The following PTGS1 variants were observed in gnomAD, a reference collection of about 807,000 sequenced individuals.
PTGS1 encodes the protein prostaglandin G/H synthase 1.
PTGS1 carries 40 observed loss-of-function variants against 63.0 expected under a neutral mutation model. The ratio of observed to expected loss-of-function variants is 0.63; its 90% CI spans 0.49 to 0.83. The LOEUF is 0.83. PTGS1 is among the 40% of genes least tolerant of loss of function. The pLI is 0.00. For synonymous variants in PTGS1, 298 were observed against 301.9 expected (o/e 0.99, Z 0.13); for missense variants, 709 against 786.5 (o/e 0.90, Z 1.18).
At chr9:122,373,027 G>A (rs1836901695) in intron 2 of PTGS1, among the ~76,000 whole-genome samples, 1 of 152,160 alleles carries the variant, frequency 6.6e-6, no homozygotes, top group African/African-American at 2.4e-5. Flanking sequence ...CGGAGCTCAG[G>A]GGAGGGAGCA....
rs1297910122 is a variant in PTGS1 at position 122,393,154 on chromosome 9, C to T, written c.*610C>T. ...AGTGGGGTGTTCTTCTTGGGACCCCCACTAAGACCCTGGTCTGAGGATGTA... is the reference window on the plus strand; with the variant it reads ...AGTGGGGTGTTCTTCTTGGGACCCCTACTAAGACCCTGGTCTGAGGATGTA... On this transcript the variant is annotated 3_prime_UTR_variant, in exon 11 of 11. Transcript: ENST00000362012. 6.5e-6 allele frequency: 1 copy of T among 152,890 alleles called. No homozygotes were observed. Among genetic ancestry groups the T allele is most frequent in the African/African-American group, 2.4e-5 (1 of 41,446 alleles). 9.5% of individuals were successfully genotyped at this position (152,890 alleles called of 1,614,324 possible).
intron 2 of PTGS1, chr9:122,375,313 A>G (rs1024437939): frequency 2.0e-6 from 2 of 985,308 alleles, no homozygotes; most frequent in African/African-American, 1.7e-5. Context: ...TTCCAGCTTC[A>G]GCGTCTGGAG....
At chr9:122,391,162 G>A (rs7848265) in intron 10 of PTGS1, among the ~76,000 whole-genome samples, 11,608 of 150,334 alleles carry the variant, frequency 0.077, 1,369 homozygotes, top group African/African-American at 0.26. Flanking sequence ...CCTCTCCTAC[G>A]GATTCTGATT....
At chr9:122,373,874 T>C (rs568467802) in intron 2 of PTGS1, among the ~76,000 whole-genome samples, 4 of 151,818 alleles carry the variant, frequency 2.6e-5, no homozygotes, top group Non-Finnish European at 4.4e-5. Flanking sequence ...TTTTTCTCTC[T>C]GGCTGCCAGG....
intron 2 of PTGS1, among the ~76,000 whole-genome samples, chr9:122,373,136 A>C (rs1332769974): frequency 6.6e-6 from 1 of 152,056 alleles, no homozygotes; most frequent in Non-Finnish European, 1.5e-5. Context: ...ACACTAAGAG[A>C]CTCGACCAGG....
In PTGS1 at chr9:122,375,254, G is replaced by A. The variant is rs1018600879; in HGVS notation, c.95-2645G>A. 6.1e-6 allele frequency: 6 copies of A among 982,856 alleles called. No homozygotes were observed. The East Asian group carries it at 6.8e-4, about 112-fold the overall frequency. The allele number at this position is 982,856 out of a possible 1,614,324, so 60.9% of individuals were successfully genotyped here. A position where few individuals can be genotyped will look rare whatever the true frequency, so the allele number is the denominator to read the frequency against. ...GGATGGGCCGGACTGGGAGGGAGGA[G>A]CCTCAGCTCCCGCACAGCCTCTCTT... On this transcript the variant is annotated intron_variant, in intron 2 of 10. Transcript: ENST00000362012.
chr9:122,385,029 C>A (rs563723997), intron 8 of PTGS1, among the ~76,000 whole-genome samples: 4 of 152,182 alleles, frequency 2.6e-5, no homozygotes, highest in Non-Finnish European at 4.4e-5. Context: ...GTGATCTTGG[C>A]TCACTGCAAC....
intron 2 of PTGS1, among the ~76,000 whole-genome samples, chr9:122,376,499 G>A (rs1837174097): frequency 6.6e-6 from 1 of 152,060 alleles, no homozygotes; most frequent in African/African-American, 2.4e-5. Context: ...CAGGGCAGGG[G>A]ATAGGGGGCA....
At chr9:122,381,628 C>A in intron 6 of PTGS1, 36 bp from the exon 7 acceptor site, 1 of 1,613,086 alleles carries the variant, frequency 6.2e-7, no homozygotes, top group Non-Finnish European at 8.5e-7. Context: ...TGGGCCGGCA[C>A]CCTGGTGACC....
rs577580485 is a variant in PTGS1 at position 122,386,576 on chromosome 9, C to T, written c.1140C>T (p.Phe380=). 12 of 1,614,204 alleles carry T rather than the reference C, an allele frequency of 7.4e-6. 1 individual carries two copies. The South Asian group carries it at 1.2e-4, about 16-fold the overall frequency. Reference sequence around the variant, plus strand: ...ACCGCAACCGCATTGCCATGGAGTTCAACCATCTCTACCACTGGCACCCCC... The same window carrying T: ...ACCGCAACCGCATTGCCATGGAGTTTAACCATCTCTACCACTGGCACCCCC... ...FQYRNRIAME[F]NHLYHWHPLM... Residue 380 remains phenylalanine (F), a synonymous_variant, in exon 9 of 11, where the codon TTC becomes TTT. Transcript: ENST00000362012.
Position 122,378,750 on chromosome 9 carries a change from T to C in PTGS1, c.353-25T>C, listed in dbSNP as rs776563249. The C allele has an allele frequency of 5.6e-6, 9 of 1,613,404 alleles. No homozygotes were observed. The Admixed American group carries it at 1.3e-4, about 24-fold the overall frequency. On this transcript the variant is annotated intron_variant, in intron 4 of 10. Coordinates refer to ENST00000362012, the MANE Select transcript of PTGS1 (RefSeq NM_000962.4). ...GGAGCTGGGGGTGGAAACACCCTTG[T>C]CACCGTTATTTTTGCTCTCTGCAGT...
chr9:122,379,640 T>C (rs1201014127), intron 5 of PTGS1, among the ~76,000 whole-genome samples: 1 of 152,224 alleles, frequency 6.6e-6, no homozygotes, highest in African/African-American at 2.4e-5. Context: ...TTTTCCATCA[T>C]ATGGTTAGCT....
chr9:122,377,962 G>A lies in PTGS1; in HGVS notation c.158G>A (p.Arg53His), dbSNP rs3842789. The A allele has an allele frequency of 1.9e-4, 313 of 1,613,960 alleles. No individual in the cohort carries two copies. In the African/African-American group the frequency reaches 3.0e-3, roughly 16 times the overall value. The change falls in exon 3 of 11, where the codon CGC becomes CAC. Residue 53 changes from arginine to histidine, a missense_variant. Arg to His is a conservative substitution (Grantham distance 29, BLOSUM62 0). Transcript: ENST00000362012. ...ATCTGTGTCCGCTTCGGCCTTGACC[G>A]CTACCAGTGTGACTGCACCCGCACG... ...QGICVRFGLD[R>H]YQCDCTRTGY...
chr9:122,371,579 C>G, intron 2 of PTGS1: 1 of 1,429,860 alleles, frequency 7.0e-7, no homozygotes, highest in Non-Finnish European at 9.1e-7. Context: ...GTCTAAGCAG[C>G]CTCTGCACCC....
rs896575181 is a variant in PTGS1 at position 122,383,818 on chromosome 9, C to CG, written c.1009+70dup. 176 of 1,569,002 alleles carry CG rather than the reference C, an allele frequency of 1.1e-4. 2 individuals are homozygous for CG. The South Asian group carries it at 1.3e-3, about 12-fold the overall frequency. On this transcript the variant is annotated intron_variant, in intron 8 of 10. Transcript: ENST00000362012. ...TCCCTCCATCCTGAGAAGTTGGGGG[C>CG]GGGGGGGTACTTAGAGGTGGAGGCT...
intron 2 of PTGS1, among the ~76,000 whole-genome samples, 156 bp downstream of exon 2, chr9:122,371,428 C>T (rs1836800965): frequency 6.6e-6 from 1 of 152,220 alleles, no homozygotes; most frequent in Non-Finnish European, 1.5e-5. Flanking sequence ...ATGGGGGCTC[C>T]CTGAAGCCCC....
At chr9:122,382,443 T>C (rs1333229155) in intron 7 of PTGS1, among the ~76,000 whole-genome samples, 2 of 152,246 alleles carry the variant, frequency 1.3e-5, no homozygotes, top group African/African-American at 4.8e-5. Context: ...ATCTAATCTG[T>C]ATTAAGATTT....
In PTGS1 at chr9:122,392,690, C is replaced by T; in HGVS notation, c.*146C>T. The T allele has an allele frequency of 1.5e-6, 1 of 651,982 alleles. No homozygotes were observed. The highest frequency in any genetic ancestry group is 2.1e-5 in the South Asian group (1 of 46,540). The allele number at this position is 651,982 out of a possible 1,614,324, so 40.4% of individuals were successfully genotyped here. A position where few individuals can be genotyped will look rare whatever the true frequency, so the allele number is the denominator to read the frequency against. On this transcript the variant is annotated 3_prime_UTR_variant, in exon 11 of 11. Transcript: ENST00000362012. ...GACATTTAGAACTTTAAGTCTCACC[C>T]ATTATCTGGAATATTGTGATTCTGT...
intron 9 of PTGS1, among the ~76,000 whole-genome samples, chr9:122,389,959 C>T (rs1033819379): frequency 6.6e-6 from 1 of 150,676 alleles, no homozygotes; most frequent in African/African-American, 2.4e-5. Context: ...GAGACAGTGT[C>T]TAAAAAAAAA....
Sources: allele counts gnomAD v4.1 joint callset (sites outside exome capture counted in the v4.1 genomes callset), GRCh38; gene constraint gnomAD v4.1.1; transcripts MANE v1.5; gene names NCBI Gene and HGNC (gene_info 2026-07-23, HGNC 2026-07-21).